Variants in PPP2R2D observed in about 807,000 individuals in gnomAD.
The protein encoded by PPP2R2D is serine/threonine-protein phosphatase 2A 55 kDa regulatory subunit B delta isoform.
In PPP2R2D, 9 loss-of-function variants were observed where a neutral mutation model predicts 31.1. The ratio of observed to expected loss-of-function variants is 0.29; its 90% CI spans 0.17 to 0.51. The LOEUF (loss-of-function observed/expected upper bound fraction) is 0.51, where lower values mean the gene tolerates loss of function less well. Ranked by LOEUF, PPP2R2D falls within the 20% of genes least tolerant of loss-of-function variation. The pLI, the probability that PPP2R2D is intolerant of heterozygous loss-of-function variation, is 0.98. For missense variants in PPP2R2D, 391 were observed against 465.6 expected (o/e 0.84, Z 1.48); for synonymous variants, 179 against 172.6 (o/e 1.04, Z -0.29).
chr10:131,927,277 C>T (rs1308128049), intron 2 of PPP2R2D, among the ~76,000 whole-genome samples: 1 of 151,946 alleles, frequency 6.6e-6, no homozygotes, highest in Non-Finnish European at 1.5e-5. Context: ...GAAGGAGAAA[C>T]TCTCCCCCCG....
intron 2 of PPP2R2D, among the ~76,000 whole-genome samples, chr10:131,922,351 T>C (rs1460251128): frequency 6.6e-6 from 1 of 152,190 alleles, no homozygotes; most frequent in Non-Finnish European, 1.5e-5. Flanking sequence ...AAAAAGGAGT[T>C]ATGTGGGCTA....
Position 131,945,228 on chromosome 10 carries a change from G to C in PPP2R2D, c.656-67G>C. The C allele has an allele frequency of 6.5e-7, 1 of 1,529,716 alleles. No individual in the cohort carries two copies. The highest frequency in any genetic ancestry group is 2.3e-5 in the East Asian group (1 of 43,618). 94.8% of individuals were successfully genotyped at this position (1,529,716 alleles called of 1,614,324 possible). ...TGGATTATTTGGCGTCCTATTTCGC[G>C]TGACTGAATGTAGACTAATTAACAA... On this transcript the variant is annotated intron_variant, in intron 6 of 8. Transcript: ENST00000455566. This position sits in a 1 kb window ranked among gnomAD's most constrained non-coding sequence, Gnocchi z 4.8.
intron 3 of PPP2R2D, among the ~76,000 whole-genome samples, chr10:131,937,333 T>C (rs2036362020): frequency 6.6e-6 from 1 of 152,186 alleles, no homozygotes; most frequent in South Asian, 2.1e-4. Flanking sequence ...CGTATGGGTG[T>C]GGCTGTGCGG....
chr10:131,921,181 G>T (rs906794073), intron 2 of PPP2R2D, among the ~76,000 whole-genome samples: 3 of 152,170 alleles, frequency 2.0e-5, no homozygotes, highest in Admixed American at 2.0e-4. Flanking sequence ...TTGCTAGTTT[G>T]ACTGACTCTG....
Position 131,955,050 on chromosome 10 carries a change from G to A in PPP2R2D, c.1083-634G>A, listed in dbSNP as rs189041221. ...GAAGTTATATCATGAGGATGTGTGCGGTAGTAGAATTTTTCGACAGCAGAG... is the reference window on the plus strand; with the variant it reads ...GAAGTTATATCATGAGGATGTGTGCAGTAGTAGAATTTTTCGACAGCAGAG... On this transcript the variant is annotated intron_variant, in intron 8 of 8. Transcript: ENST00000455566. Among the ~76,000 whole-genome samples, 52 of 152,294 alleles carry A rather than the reference G, an allele frequency of 3.4e-4. 1 individual carries two copies. The highest frequency in any genetic ancestry group is 1.0e-3 in the African/African-American group (43 of 41,540).
intron 8 of PPP2R2D, among the ~76,000 whole-genome samples, chr10:131,948,346 T>C (rs1421445733): frequency 6.6e-6 from 1 of 152,232 alleles, no homozygotes; most frequent in Admixed American, 6.5e-5. Flanking sequence ...GAGTTACGTT[T>C]TTTTTATTAT....
chr10:131,956,108 G>A lies in PPP2R2D; in HGVS notation c.*145G>A, dbSNP rs542720679. 1.3e-5 allele frequency: 17 copies of A among 1,264,980 alleles called. No homozygotes were observed. The highest frequency in any genetic ancestry group is 7.9e-5 in the Admixed American group (2 of 25,220). The allele number at this position is 1,264,980 out of a possible 1,614,324, so 78.4% of individuals were successfully genotyped here. On this transcript the variant is annotated 3_prime_UTR_variant, in exon 9 of 9. Transcript: ENST00000455566. ...ACAGACACAGGAGAAAGCCGCCTCCGCTGGAGGCCCGGTGTGGTTCCGCCT... is the reference window on the plus strand; with the variant it reads ...ACAGACACAGGAGAAAGCCGCCTCCACTGGAGGCCCGGTGTGGTTCCGCCT...
chr10:131,938,465 C>G (rs2036382946), intron 3 of PPP2R2D, among the ~76,000 whole-genome samples: 1 of 152,172 alleles, frequency 6.6e-6, no homozygotes, highest in Admixed American at 6.5e-5. Flanking sequence ...AGAGGTTATC[C>G]CTTCATCAAA....
downstream of PPP2R2D, among the ~76,000 whole-genome samples, chr10:131,964,085 T>C (rs909401236): frequency 6.6e-6 from 1 of 152,216 alleles, no homozygotes; most frequent in Admixed American, 6.5e-5. Context: ...TTGCCTGATA[T>C]TTTCTCGTGA....
rs112990149 is a variant in PPP2R2D at position 131,917,064 on chromosome 10, G to T, written c.100+15734G>T. On this transcript the variant is annotated intron_variant, in intron 2 of 8. Transcript: ENST00000455566. ...ACAGTGTAGGGACCTCAGGCGGGTG[G>T]AATGACACAGTGTTTGTAGGGACCT... Among the ~76,000 whole-genome samples the T allele has an allele frequency of 2.1e-3, 313 of 149,894 alleles. 4 individuals carry two copies. The highest frequency in any genetic ancestry group is 7.3e-3 in the African/African-American group (294 of 40,520).
Position 131,956,585 on chromosome 10 carries a change from T to C in PPP2R2D, c.*622T>C. The C allele has an allele frequency of 1.0e-6, 1 of 982,062 alleles. No individual in the cohort carries two copies. Among genetic ancestry groups the C allele is most frequent in the Non-Finnish European group, 1.2e-6 (1 of 826,842 alleles). The allele number at this position is 982,062 out of a possible 1,614,324, so 60.8% of individuals were successfully genotyped here. A position where few individuals can be genotyped will look rare whatever the true frequency, so the allele number is the denominator to read the frequency against. ...TGTCTTTTTATTTAATTTTATTGCA[T>C]AGAATGAAGTTATGCAGGGTTCTTC... On this transcript the variant is annotated 3_prime_UTR_variant, in exon 9 of 9. Transcript: ENST00000455566.
At chr10:131,971,382 G>A in the PPP2R2D span, 4 of 233,902 alleles carry the variant, frequency 1.7e-5, no homozygotes, top group Admixed American at 1.0e-4. Context: ...GGGACATGAC[G>A]AAGGAAGGGA....
chr10:131,970,958 C>G, the PPP2R2D span: 2 of 1,613,880 alleles, frequency 1.2e-6, no homozygotes. The surrounding 1 kb of genome is among the most constrained non-coding windows in gnomAD (Gnocchi z 4.1). Flanking sequence ...CTTTCAATAT[C>G]ATCTTCCTCA....
chr10:131,942,429 T>C (rs2036458674), intron 5 of PPP2R2D, among the ~76,000 whole-genome samples: 1 of 152,208 alleles, frequency 6.6e-6, no homozygotes, highest in South Asian at 2.1e-4. Context: ...TTGACTTAGG[T>C]CGGTATTTGA....
chr10:131,902,166 C>G (rs1428657724), intron 2 of PPP2R2D, among the ~76,000 whole-genome samples: 1 of 152,194 alleles, frequency 6.6e-6, no homozygotes, highest in Non-Finnish European at 1.5e-5. Context: ...TTGGTCGAGT[C>G]TTAGAAGTTT....
intron 2 of PPP2R2D, among the ~76,000 whole-genome samples, chr10:131,921,130 T>C (rs781982372): frequency 7.9e-5 from 12 of 152,322 alleles, no homozygotes; most frequent in Admixed American, 1.3e-4. Context: ...AGAGTGATGA[T>C]CGTTTCTGTA....
Position 131,945,322 on chromosome 10 carries a change from TGGA to T in PPP2R2D, c.688_690del (p.Glu230del). The T allele has an allele frequency of 6.2e-7, 1 of 1,614,102 alleles. No homozygotes were observed. The highest frequency in any genetic ancestry group is 1.1e-5 in the South Asian group (1 of 91,074). On this transcript the variant is annotated inframe_deletion, in exon 7 of 9. Coordinates refer to ENST00000455566, the MANE Select transcript of PPP2R2D (RefSeq NM_018461.5). The surrounding 1 kb of genome is among the most constrained non-coding windows in gnomAD (Gnocchi z 4.8). ...ATCGTGGACATCAAGCCTGCTAACA[TGGA>T]GGAGCTGACCGAAGTCATCACTGCA...
chr10:131,916,451 A>G (rs567405783), intron 2 of PPP2R2D, among the ~76,000 whole-genome samples: 1 of 152,052 alleles, frequency 6.6e-6, no homozygotes, highest in South Asian at 2.1e-4. Context: ...ATGCACTTAC[A>G]GTGTTGTGTA....
rs1246952862 is a variant in PPP2R2D at position 131,919,134 on chromosome 10, C to A, written c.101-15324C>A. ...GGAATGACAGTGTAGGGACCTCAGGCGGGTGGAATGACACAGTGTAGGGAT... is the reference window on the plus strand; with the variant it reads ...GGAATGACAGTGTAGGGACCTCAGGAGGGTGGAATGACACAGTGTAGGGAT... On this transcript the variant is annotated intron_variant, in intron 2 of 8. Transcript: ENST00000455566. 2.4e-5 allele frequency among the ~76,000 whole-genome samples: 3 copies of A among 124,022 alleles called. 1 individual carries two copies. Among genetic ancestry groups the A allele is most frequent in the African/African-American group, 9.4e-5 (3 of 31,938 alleles). 81.4% of individuals were successfully genotyped at this position (124,022 alleles called of 152,430 possible). A position where few individuals can be genotyped will look rare whatever the true frequency, so the allele number is the denominator to read the frequency against.
Sources: allele counts gnomAD v4.1 joint callset (sites outside exome capture counted in the v4.1 genomes callset), GRCh38; gene constraint gnomAD v4.1.1; non-coding constraint Gnocchi (gnomAD v3.1); transcripts MANE v1.5; gene names NCBI Gene and HGNC (gene_info 2026-07-23, HGNC 2026-07-21).